Variants in SHISA9 observed in about 807,000 individuals in gnomAD.
SHISA9 encodes protein shisa-9.
A neutral mutation model predicts 38.0 loss-of-function variants in SHISA9; 13 were observed. That is an observed-to-expected ratio of 0.34 (90% CI 0.22 to 0.54). The LOEUF (loss-of-function observed/expected upper bound fraction) is 0.54, where lower values mean the gene tolerates loss of function less well. Among genes scored for constraint, SHISA9 ranks in the 20% least tolerant of loss-of-function variants. The pLI is 0.91. For synonymous variants in SHISA9, 275 were observed against 242.0 expected (o/e 1.14, Z -1.27); for missense variants, 538 against 575.8 (o/e 0.93, Z 0.67).
the SHISA9 span, among the ~76,000 whole-genome samples, chr16:13,410,609 A>G: frequency 1.3e-5 from 2 of 152,104 alleles, no homozygotes; most frequent in South Asian, 4.2e-4. Context: ...GCCAAAAACA[A>G]AAAAAAAGTG....
chr16:13,013,654 T>A (rs1482733006), intron 2 of SHISA9, among the ~76,000 whole-genome samples: 1 of 152,138 alleles, frequency 6.6e-6, no homozygotes, highest in Non-Finnish European at 1.5e-5. Context: ...CACTGTCACA[T>A]CCCTTCACTG....
chr16:12,915,585 C>T (rs1372073435), intron 1 of SHISA9, among the ~76,000 whole-genome samples: 1 of 152,174 alleles, frequency 6.6e-6, no homozygotes, highest in Non-Finnish European at 1.5e-5. Context: ...TTGTAGCTGC[C>T]ATCCATTCTG....
chr16:13,377,914 T>G, the SHISA9 span, among the ~76,000 whole-genome samples: 1 of 151,960 alleles, frequency 6.6e-6, no homozygotes, highest in Non-Finnish European at 1.5e-5. Flanking sequence ...GCACCTGTAG[T>G]CCCAGCTACC....
rs796430576 is a variant in SHISA9 at position 12,975,650 on chromosome 16, CG to C, written c.691+58840del. 8.5e-3 allele frequency among the ~76,000 whole-genome samples: 70 copies of C among 8,190 alleles called. 1 individual carries two copies. Among genetic ancestry groups the C allele is most frequent in the African/African-American group, 0.023 (67 of 2,942 alleles). The allele number at this position is 8,190 out of a possible 152,430, so 5.4% of individuals were successfully genotyped here. ...GCAATGGTAAATGGGTGGGGTGGGACGGGGGCGGGGGGGGTAAGGGCATGTC... is the reference window on the plus strand; with the variant it reads ...GCAATGGTAAATGGGTGGGGTGGGACGGGGCGGGGGGGGTAAGGGCATGTC... On this transcript the variant is annotated intron_variant, in intron 2 of 4. Transcript: ENST00000558583.
chr16:13,537,694 T>A, the SHISA9 span, among the ~76,000 whole-genome samples: 1 of 152,164 alleles, frequency 6.6e-6, no homozygotes, highest in Admixed American at 6.5e-5. Flanking sequence ...TGGTACACGT[T>A]TGTCAAAATT....
intron 2 of SHISA9, among the ~76,000 whole-genome samples, chr16:13,154,179 G>A (rs77481130): frequency 0.02 from 3,033 of 152,172 alleles, 96 homozygotes; most frequent in African/African-American, 0.066. Context: ...TTTAATTATC[G>A]TCATTTTACA....
chr16:13,090,794 C>T (rs1223146665), intron 2 of SHISA9, among the ~76,000 whole-genome samples: 4 of 152,294 alleles, frequency 2.6e-5, no homozygotes, highest in South Asian at 2.1e-4. Context: ...AGCCCATTTA[C>T]GTTTAAGGTT....
At chr16:13,246,058 T>TA in the SHISA9 span, among the ~76,000 whole-genome samples, 70 of 152,150 alleles carry the variant, frequency 4.6e-4, no homozygotes, top group South Asian at 1.5e-3. Flanking sequence ...GTTTTTTATT[T>TA]AAAAAAAATC....
Position 13,159,058 on chromosome 16 carries a change from C to CAA in SHISA9, c.692-44323_692-44322dup, listed in dbSNP as rs10711130. Among the ~76,000 whole-genome samples the CAA allele has an allele frequency of 1.1e-3, 135 of 123,556 alleles. 3 individuals carry two copies. The highest frequency in any genetic ancestry group is 3.7e-3 in the African/African-American group (125 of 33,370). 81.1% of individuals were successfully genotyped at this position (123,556 alleles called of 152,430 possible). A position where few individuals can be genotyped will look rare whatever the true frequency, so the allele number is the denominator to read the frequency against. ...CTGGTGACAGAGCGAGACTCTGTCT[C>CAA]AAAAAAAAAAAAAACAAAACCAAAA... On this transcript the variant is annotated intron_variant, in intron 2 of 4. Transcript: ENST00000558583.
chr16:13,472,377 A>AGTTTTTTT, the SHISA9 span, among the ~76,000 whole-genome samples: 1 of 55,416 alleles, frequency 1.8e-5, no homozygotes. Flanking sequence ...GCTCTGCTAA[A>AGTTTTTTT]TTTTTTTTTT....
At chr16:13,082,046 T>G (rs2073656889) in intron 2 of SHISA9, among the ~76,000 whole-genome samples, 1 of 152,094 alleles carries the variant, frequency 6.6e-6, no homozygotes, top group African/African-American at 2.4e-5. Flanking sequence ...TACCGCCAAC[T>G]CATTAAGTAA....
At chr16:13,170,202 C>CA (rs71147788) in intron 2 of SHISA9, among the ~76,000 whole-genome samples, 2,561 of 91,724 alleles carry the variant, frequency 0.028, 87 homozygotes, top group African/African-American at 0.093. Context: ...GACTCCATCT[C>CA]AAAAAAAAAA....
chr16:13,199,363 G>T (rs992249588), intron 2 of SHISA9, among the ~76,000 whole-genome samples: 1 of 152,188 alleles, frequency 6.6e-6, no homozygotes, highest in Non-Finnish European at 1.5e-5. Flanking sequence ...AATTTCTGCT[G>T]TAGCTCTGTA....
At chr16:13,499,550 T>C in the SHISA9 span, among the ~76,000 whole-genome samples, 2 of 152,216 alleles carry the variant, frequency 1.3e-5, no homozygotes, top group African/African-American at 4.8e-5. Flanking sequence ...TCTGGGGTTA[T>C]GGGTGATTCT....
At chr16:13,082,362 C>G (rs571170101) in intron 2 of SHISA9, 1 of 150,332 alleles carries the variant, frequency 6.7e-6, no homozygotes, top group East Asian at 2.0e-4. Flanking sequence ...ACCTGAGTTC[C>G]TCTCTCTTTG....
the SHISA9 span, among the ~76,000 whole-genome samples, chr16:13,408,384 C>A: frequency 3.3e-5 from 5 of 152,066 alleles, no homozygotes; most frequent in Non-Finnish European, 7.4e-5. Context: ...TTTTTAAATA[C>A]CAGTTTTTAT....
rs574655493 is a variant in SHISA9, at chr16:13,127,265, AGAGG to A, written c.692-76117_692-76114del. On this transcript the variant is annotated intron_variant, in intron 2 of 4. Coordinates refer to ENST00000558583, the MANE Select transcript of SHISA9 (RefSeq NM_001145204.3). ...AGTGAGGGAGAGAGAGGGAGGTGGGAGAGGGAGGGAGGGAGAGAAAGAGATGGAG... is the reference window on the plus strand; with the variant it reads ...AGTGAGGGAGAGAGAGGGAGGTGGGAGAGGGAGGGAGAGAAAGAGATGGAG... Among the ~76,000 whole-genome samples the A allele has an allele frequency of 3.3e-3, 377 of 115,224 alleles. 3 individuals carry two copies. The highest frequency in any genetic ancestry group is 0.012 in the African/African-American group (346 of 30,064). 75.6% of individuals were successfully genotyped at this position (115,224 alleles called of 152,430 possible). A position where few individuals can be genotyped will look rare whatever the true frequency, so the allele number is the denominator to read the frequency against.
intron 3 of SHISA9, among the ~76,000 whole-genome samples, chr16:13,203,950 ATCTG>A (rs773788722): frequency 3.0e-4 from 45 of 151,050 alleles, no homozygotes; most frequent in South Asian, 8.4e-4. Context: ...TTATCCTATC[ATCTG>A]TCTGTCTATC....
intron 2 of SHISA9, among the ~76,000 whole-genome samples, chr16:13,083,384 G>C (rs189130441): frequency 3.3e-5 from 5 of 152,200 alleles, no homozygotes; most frequent in African/African-American, 1.2e-4. Context: ...TGCAAAACAA[G>C]AGGGCTTCAC....
Sources: gnomAD v4.1 joint callset for allele counts (sites outside exome capture counted in the v4.1 genomes callset) on GRCh38, gnomAD v4.1.1 for gene constraint, MANE v1.5 for transcripts, NCBI Gene and HGNC (gene_info 2026-07-23, HGNC 2026-07-21) for gene names.